The following LMOD3 variants were observed in gnomAD, a reference collection of about 807,000 sequenced individuals.
LMOD3 encodes the protein leiomodin-3.
LMOD3 carries 31 observed loss-of-function variants against 41.8 expected under a neutral mutation model. That is an observed-to-expected ratio of 0.74 (90% CI 0.56 to 1.00). The LOEUF is 1.00. Among genes scored for constraint, LMOD3 ranks in the 50% least tolerant of loss-of-function variants. The pLI is 0.00. For synonymous variants in LMOD3, 292 were observed against 241.9 expected, an observed-to-expected ratio of 1.21 and a Z score of -1.92; for missense variants, 755 against 679.5, an observed-to-expected ratio of 1.11 and a Z score of -1.23.
Position 69,119,635 on chromosome 3 carries a change from G to C in LMOD3, c.720C>G (p.Asp240Glu). The stretch of plus-strand genomic sequence containing the variant: ...TAACTCTCCTCAAGCTCCCATCCAG[G>C]TCTGTCTGGTTTCCTGAAGGCCTTG... ...VSTRPSGNQT[D>E]LDGSLRRVRK... Residue 240 changes from aspartate (D) to glutamate (E), a missense_variant, in exon 2 of 3, where the codon GAC becomes GAG. Transcript: ENST00000420581. The C allele has an allele frequency of 6.2e-7, 1 of 1,613,860 alleles. No individual in the cohort carries two copies.
At position 69,119,872 on chromosome 3, in the gene LMOD3, A is replaced by G; in HGVS notation, c.483T>C (p.Asp161=). Residue 161 remains aspartate (D), a synonymous_variant, in exon 2 of 3, where the codon GAT becomes GAC. Transcript: ENST00000420581. ...TCGTTTCTTCACTCTCTTCACCATC[A>G]TCTTCTCCTTCGTCGTCATCATCAT... ...EDDDDDDEGE[D]DGEESEETNR... The G allele has an allele frequency of 6.4e-7, 1 of 1,554,622 alleles. No homozygotes were observed. The highest frequency in any genetic ancestry group is 8.7e-7 in the Non-Finnish European group (1 of 1,146,806).
In LMOD3 at chr3:69,122,136, A is replaced by G. The variant is rs2092410709; in HGVS notation, c.251T>C (p.Met84Thr). 1 of 1,612,654 alleles carries G rather than the reference A, an allele frequency of 6.2e-7. No homozygotes were observed. Among genetic ancestry groups the G allele is most frequent in the African/African-American group, 1.3e-5 (1 of 74,922 alleles). ...YMYWEKASRR[M>T]LEEERVPVTF... ...GACAGGAACTCGTTCCTCTTCCAGC[A>G]TGCGCCTGGATGCCTTTTCCCAATA... Residue 84 changes from methionine (M) to threonine (T), a missense_variant, in exon 1 of 3, where the codon ATG becomes ACG. By Grantham distance (81) the Met-to-Thr change is moderately conservative. Coordinates refer to ENST00000420581, the MANE Select transcript of LMOD3 (RefSeq NM_198271.5).
In LMOD3 at chr3:69,122,187, T is replaced by C. The variant is rs570247132; in HGVS notation, c.200A>G (p.Asn67Ser). The part of the protein sequence containing the change: ...QTDKPPTGNF[N>S]HKSLVDYMYW... ...CATATAATCAACAAGAGATTTATGA[T>C]TGAAGTTTCCTGTCGGTGGCTTGTC... The change falls in exon 1 of 3, where the codon AAT (asparagine) becomes AGT (serine). Residue 67 changes from asparagine to serine, a missense_variant. By Grantham distance (46) the Asn-to-Ser change is conservative. Coordinates refer to ENST00000420581, the MANE Select transcript of LMOD3 (RefSeq NM_198271.5). 1.6e-4 allele frequency: 251 copies of C among 1,613,456 alleles called. 5 individuals are homozygous for C. The South Asian group carries it at 2.5e-3, about 16-fold the overall frequency.
intron 2 of LMOD3, among the ~76,000 whole-genome samples, chr3:69,112,405 C>G (rs571213233): frequency 6.6e-6 from 1 of 152,312 alleles, no homozygotes; most frequent in East Asian, 1.9e-4. Context: ...AACTCAGAAT[C>G]CTGTAAGGCT....
At position 69,107,301 on chromosome 3, in the gene LMOD3, A is replaced by G. The variant is rs2107518083; in HGVS notation, c.*1794T>C. ...TTTCTTTCCCATGGCTTGTCTTTCC[A>G]AATAATGTGTTGTTTTTAAGTCTGT... On this transcript the variant is annotated 3_prime_UTR_variant, in exon 3 of 3. Transcript: ENST00000420581. The G allele has an allele frequency of 6.6e-6, 1 of 152,042 alleles. No homozygotes were observed. Among genetic ancestry groups the G allele is most frequent in the Middle Eastern group, 3.4e-3 (1 of 294 alleles). 9.4% of individuals were successfully genotyped at this position (152,042 alleles called of 1,614,324 possible).
intron 2 of LMOD3, among the ~76,000 whole-genome samples, chr3:69,115,343 G>T (rs922963970): frequency 2.0e-5 from 3 of 151,818 alleles, no homozygotes; most frequent in Admixed American, 6.6e-5. Flanking sequence ...AAAAAAATTA[G>T]CCGTGTGTGG....
intron 2 of LMOD3, 115 bp from the exon 3 acceptor site, chr3:69,109,236 C>A: frequency 1.1e-6 from 1 of 904,742 alleles, no homozygotes; most frequent in South Asian, 1.5e-5. Flanking sequence ...GTTTGAAATT[C>A]TGGCCAAAGC....
chr3:69,106,326 G>A lies in LMOD3; in HGVS notation c.*2769C>T, dbSNP rs3772983. 0.035 allele frequency among the ~76,000 whole-genome samples: 5,379 copies of A among 151,840 alleles called. 303 individuals are homozygous for A. The highest frequency in any genetic ancestry group is 0.26 in the East Asian group (1,363 of 5,158). ...CATTTTCTACAAGGTGAATTCTGCC[G>A]ATAAAATCCAATAAATTTGGAGAAA... On this transcript the variant is annotated 3_prime_UTR_variant, in exon 3 of 3. Transcript: ENST00000420581.
chr3:69,115,008 G>A (rs529833187), intron 2 of LMOD3, among the ~76,000 whole-genome samples: 37 of 152,194 alleles, frequency 2.4e-4, no homozygotes, highest in African/African-American at 8.4e-4. Flanking sequence ...TGGTACCACA[G>A]GTGCATGCCA....
chr3:69,118,748 T>A lies in LMOD3; in HGVS notation c.1607A>T (p.Asp536Val), dbSNP rs374901054. ...GTGACGAATGTCGTTTAGCAGCTGA[T>A]CTCTGGGAGTGATTTCCACCAATGG... ...PPPLVEITPRDQLLNDIRHSS... is the reference protein window; with the variant it reads ...PPPLVEITPRVQLLNDIRHSS... Residue 536 changes from aspartate to valine, a missense_variant, in exon 2 of 3, where the codon GAT becomes GTT. Asp to Val is a radical substitution (Grantham distance 152, BLOSUM62 -3). Coordinates refer to ENST00000420581, the MANE Select transcript of LMOD3 (RefSeq NM_198271.5). 1.7e-5 allele frequency: 28 copies of A among 1,612,616 alleles called. No homozygotes were observed. The highest frequency in any genetic ancestry group is 2.3e-5 in the Non-Finnish European group (27 of 1,179,648).
chr3:69,116,754 T>G (rs918994835), intron 2 of LMOD3, among the ~76,000 whole-genome samples: 5 of 152,198 alleles, frequency 3.3e-5, no homozygotes, highest in Non-Finnish European at 4.4e-5. Context: ...CCTTCTCATC[T>G]GCCTGACATA....
chr3:69,122,332 T>C lies in LMOD3; in HGVS notation c.55A>G (p.Asn19Asp). 3 of 1,612,894 alleles carry C rather than the reference T, an allele frequency of 1.9e-6. No homozygotes were observed. Among genetic ancestry groups the C allele is most frequent in the Non-Finnish European group, 2.5e-6 (3 of 1,179,148 alleles). The change falls in exon 1 of 3, where the codon AAT (asparagine) becomes GAT (aspartate). Residue 19 changes from asparagine (N) to aspartate (D), a missense_variant. Coordinates refer to ENST00000420581, the MANE Select transcript of LMOD3 (RefSeq NM_198271.5). Reference sequence around the variant, plus strand: ...AAGTTGGCCAAGATTTCATCTTCATTAATCTCCTCATCGAGAAGTTCTTCT... The same window carrying C: ...AAGTTGGCCAAGATTTCATCTTCATCAATCTCCTCATCGAGAAGTTCTTCT... Reference protein sequence around the residue: ...DQEELLDEEINEDEILANLSA... With the variant: ...DQEELLDEEIDEDEILANLSA...
chr3:69,120,050 TGAGTC>T lies in LMOD3; in HGVS notation c.300_304del (p.Thr101ArgfsTer4), dbSNP rs2092400247. 1.3e-6 allele frequency: 2 copies of T among 1,597,048 alleles called. No individual in the cohort carries two copies. Among genetic ancestry groups the T allele is most frequent in the East Asian group, 2.2e-5 (1 of 44,786 alleles). On this transcript the variant is annotated frameshift_variant, in exon 2 of 3. Coordinates refer to ENST00000420581, the MANE Select transcript of LMOD3 (RefSeq NM_198271.5). LOFTEE classifies it high-confidence loss of function. ...TTTTTCTATTTCTTCATGCTCTTCT[TGAGTC>T]TTTTCCTACAAGAGAGGTTTATGAG...
Position 69,118,859 on chromosome 3 carries a change from A to C in LMOD3, c.1496T>G (p.Met499Arg). ...CTCGGGTGGTTCTCTGGCTTCCGGC[A>C]TCCGAGATTTGCGCTGGATTCTCTT... ...KLKRIQRKSR[M>R]PEAREPPEKT... The change falls in exon 2 of 3, where the codon ATG becomes AGG. Residue 499 changes from methionine to arginine, a missense_variant. Met to Arg is a moderately conservative substitution (Grantham distance 91, BLOSUM62 -1). Coordinates refer to ENST00000420581, the MANE Select transcript of LMOD3 (RefSeq NM_198271.5). 6.2e-7 allele frequency: 1 copy of C among 1,610,068 alleles called. No individual in the cohort carries two copies. The highest frequency in any genetic ancestry group is 8.5e-7 in the Non-Finnish European group (1 of 1,179,066).
chr3:69,116,248 A>G (rs937519227), intron 2 of LMOD3, among the ~76,000 whole-genome samples: 41 of 152,132 alleles, frequency 2.7e-4, no homozygotes, highest in Non-Finnish European at 5.9e-5. Context: ...GCATTTTCAT[A>G]TTTTTCTTGC....
At chr3:69,120,971 A>T (rs2092404478) in intron 1 of LMOD3, among the ~76,000 whole-genome samples, 1 of 152,150 alleles carries the variant, frequency 6.6e-6, no homozygotes, top group South Asian at 2.1e-4. Context: ...GGTTCATTTG[A>T]GCAAAAATTT....
chr3:69,122,251 G>C lies in LMOD3; in HGVS notation c.136C>G (p.Pro46Ala), dbSNP rs373282953. 2.5e-6 allele frequency: 4 copies of C among 1,613,420 alleles called. No individual in the cohort carries two copies. Among genetic ancestry groups the C allele is most frequent in the African/African-American group, 2.7e-5 (2 of 74,850 alleles). ...QSEMEVMAPD[P>A]SLPVGMIQKD... Reference sequence around the variant, plus strand: ...TGAATCATTCCCACGGGAAGGCTGGGGTCAGGGGCCATGACTTCCATTTCC... The same window carrying C: ...TGAATCATTCCCACGGGAAGGCTGGCGTCAGGGGCCATGACTTCCATTTCC... The change falls in exon 1 of 3, where the codon CCC becomes GCC. Residue 46 changes from proline to alanine, a missense_variant. By Grantham distance (27) the Pro-to-Ala change is conservative (BLOSUM62 -1). Transcript: ENST00000420581.
At chr3:69,111,917 C>T (rs1250658268) in intron 2 of LMOD3, among the ~76,000 whole-genome samples, 1 of 152,208 alleles carries the variant, frequency 6.6e-6, no homozygotes. Flanking sequence ...AGCCTTCTTG[C>T]TTTCTACTGA....
intron 2 of LMOD3, among the ~76,000 whole-genome samples, chr3:69,113,370 A>C (rs2092357992): frequency 6.6e-6 from 1 of 152,166 alleles, no homozygotes; most frequent in Non-Finnish European, 1.5e-5. Flanking sequence ...ATTTCCCATT[A>C]TGTGATGAGA....
Sources: gnomAD v4.1 joint callset for allele counts (sites outside exome capture counted in the v4.1 genomes callset) on GRCh38, gnomAD v4.1.1 for gene constraint, MANE v1.5 for transcripts, NCBI Gene and HGNC (gene_info 2026-07-23, HGNC 2026-07-21) for gene names.